Variants in LRP1 observed in about 807,000 individuals in gnomAD.
LRP1 encodes the protein prolow-density lipoprotein receptor-related protein 1.
LRP1 carries 51 observed loss-of-function variants against 541.5 expected under a neutral mutation model. That is an observed-to-expected ratio of 0.09 (90% CI 0.08 to 0.12). LRP1 has a LOEUF of 0.12. Among genes scored for constraint, LRP1 ranks in the 10% least tolerant of loss-of-function variants. LRP1 has a pLI of 1.00. For synonymous variants in LRP1, 2,219 were observed against 2,470.8 expected (o/e 0.90, Z 3.02); for missense variants, 3,878 against 6,376.2 (o/e 0.61, Z 13.34).
At position 57,194,540 on chromosome 12, in the gene LRP1, C is replaced by T. The variant is rs139262076; in HGVS notation, c.8068+37C>T. On this transcript the variant is annotated intron_variant, in intron 49 of 88. Transcript: ENST00000243077. ...CAGGTGTGTGGTGGGTGGTGGCCTG[C>T]GGTGAGCAGGGCCCTCACACCTGCC... is the stretch of plus-strand genomic sequence containing the variant. 1,285 of 1,612,044 alleles carry T rather than the reference C, an allele frequency of 8.0e-4. 7 individuals carry two copies. The African/African-American group carries it at 0.014, about 17-fold the overall frequency.
At position 57,210,862 on chromosome 12, in the gene LRP1, G is replaced by A. The variant is rs1389863854; in HGVS notation, c.12899G>A (p.Gly4300Asp). The A allele has an allele frequency of 1.2e-6, 2 of 1,612,240 alleles. No homozygotes were observed. The highest frequency in any genetic ancestry group is 3.3e-5 in the Admixed American group (2 of 59,974). Residue 4300 changes from glycine to aspartate, a missense_variant, in exon 83 of 89, where the codon GGC becomes GAC. Gly to Asp is a moderately conservative substitution (Grantham distance 94, BLOSUM62 -1). Coordinates refer to ENST00000243077, the MANE Select transcript of LRP1 (RefSeq NM_002332.3). ...PQCRCLPGFL[G>D]DRCQYRQCSG... ...TGCCGATGCCTACCCGGCTTCCTGG[G>A]CGACCGCTGCCAGTACCGTGAGTGA...
rs752144944 is a variant in LRP1, at chr12:57,200,668, C to T, written c.10109-31C>T. On this transcript the variant is annotated intron_variant, in intron 63 of 88. Transcript: ENST00000243077. ...TGGACCTGGCCGTGTCCACCCCAGC[C>T]GCTCTGACTCTGAGCCTCCCTCTCT... 99 of 1,594,474 alleles carry T rather than the reference C, an allele frequency of 6.2e-5. 1 individual carries two copies. The highest frequency in any genetic ancestry group is 5.0e-4 in the Middle Eastern group (3 of 6,028).
At position 57,208,234 on chromosome 12, in the gene LRP1, G is replaced by A. The variant is rs748585169; in HGVS notation, c.12038+18G>A. 1.4e-5 allele frequency: 22 copies of A among 1,609,614 alleles called. No homozygotes were observed. In the South Asian group the frequency reaches 2.4e-4, roughly 18 times the overall value. On this transcript the variant is annotated intron_variant, in intron 77 of 88. Transcript: ENST00000243077. ...CTGAGGGGGTGGGCAAGGGCCCTGG[G>A]GGGAGGCCTCTGGGCTGGTGGTAGG...
In LRP1 at chr12:57,173,190, C is replaced by T; in HGVS notation, c.3186C>T (p.Cys1062=). The change falls in exon 21 of 89, where the codon TGC becomes TGT. Residue 1062 remains cysteine, a synonymous_variant. Coordinates refer to ENST00000243077, the MANE Select transcript of LRP1 (RefSeq NM_002332.3). The surrounding 1 kb of genome is among the most constrained non-coding windows in gnomAD (Gnocchi z 4.7). Reference sequence around the variant, plus strand: ...CAGCCACGAGGCCCCCTGGTGGCTGCCACACTGATGAGTTCCAGTGCCGGC... The same window carrying T: ...CAGCCACGAGGCCCCCTGGTGGCTGTCACACTGATGAGTTCCAGTGCCGGC... ...TNQATRPPGG[C]HTDEFQCRLD... 1.2e-6 allele frequency: 2 copies of T among 1,611,420 alleles called. No individual in the cohort carries two copies. The highest frequency in any genetic ancestry group is 1.7e-6 in the Non-Finnish European group (2 of 1,178,412).
rs1428642530 is a variant in LRP1 at position 57,175,555 on chromosome 12, G to A, written c.3643G>A (p.Gly1215Arg). 13 of 1,614,188 alleles carry A rather than the reference G, an allele frequency of 8.1e-6. No homozygotes were observed. Among genetic ancestry groups the A allele is most frequent in the South Asian group, 1.1e-5 (1 of 91,090 alleles). Residue 1215 changes from glycine (G) to arginine (R), a missense_variant, in exon 23 of 89, where the codon GGG becomes AGG. By Grantham distance (125) the Gly-to-Arg change is moderately radical (BLOSUM62 -2). Transcript: ENST00000243077. ...VCSCPLGMEL[G>R]PDNHTCQIQS... ...TTCCTGCCCTCTGGGCATGGAGCTG[G>A]GGCCCGACAACCACACCTGCCAGAT...
intron 82 of LRP1, 23 bp from the exon 83 acceptor site, chr12:57,210,695 G>T (rs34268477): frequency 4.6e-5 from 74 of 1,597,000 alleles, no homozygotes; most frequent in Non-Finnish European, 6.3e-5. Context: ...CCACAGTCGC[G>T]CTCACACATC....
At chr12:57,140,680 C>T (rs1189843798) in intron 2 of LRP1, among the ~76,000 whole-genome samples, 1 of 152,172 alleles carries the variant, frequency 6.6e-6, no homozygotes, top group Non-Finnish European at 1.5e-5. Context: ...TTTTCTTTAT[C>T]ATTGGAGTTT....
Position 57,162,757 on chromosome 12 carries a change from C to G in LRP1, c.2405-101C>G. 7.4e-7 allele frequency: 1 copy of G among 1,344,860 alleles called. No homozygotes were observed. Among genetic ancestry groups the G allele is most frequent in the Non-Finnish European group, 1.0e-6 (1 of 984,642 alleles). The allele number at this position is 1,344,860 out of a possible 1,614,324, so 83.3% of individuals were successfully genotyped here. A position where few individuals can be genotyped will look rare whatever the true frequency, so the allele number is the denominator to read the frequency against. ...GATCTTCTTCCTCTCCATATTTCCT[C>G]TTTCTGTCCCCACATCTTAATGTGT... On this transcript the variant is annotated intron_variant, in intron 14 of 88. Coordinates refer to ENST00000243077, the MANE Select transcript of LRP1 (RefSeq NM_002332.3). This position sits in a 1 kb window ranked among gnomAD's most constrained non-coding sequence, Gnocchi z 5.2.
Position 57,128,614 on chromosome 12 carries a change from CT to C in LRP1, c.-350del, listed in dbSNP as rs2034964714. 3 of 413,856 alleles carry C rather than the reference CT, an allele frequency of 7.2e-6. No individual in the cohort carries two copies. Among genetic ancestry groups the C allele is most frequent in the Non-Finnish European group, 1.3e-5 (3 of 233,722 alleles). The allele number at this position is 413,856 out of a possible 1,614,324, so 25.6% of individuals were successfully genotyped here. Reference sequence around the variant, plus strand: ...ACCCGGTCCACGCCCCCCACCCCCCCTCCCCGCCTCCTCCCAATTGTGCATT... The same window carrying C: ...ACCCGGTCCACGCCCCCCACCCCCCCCCCCGCCTCCTCCCAATTGTGCATT... On this transcript the variant is annotated 5_prime_UTR_variant, in exon 1 of 89. Coordinates refer to ENST00000243077, the MANE Select transcript of LRP1 (RefSeq NM_002332.3).
intron 68 of LRP1, 123 bp from the exon 69 acceptor site, chr12:57,203,057 TG>T: frequency 1.4e-6 from 1 of 724,140 alleles, no homozygotes; most frequent in Non-Finnish European, 2.2e-6. Flanking sequence ...GCTCGGCCTC[TG>T]GGTCAGTCAG....
intron 44 of LRP1, among the ~76,000 whole-genome samples, chr12:57,192,076 C>T (rs2036423145): frequency 1.4e-5 from 2 of 143,404 alleles, no homozygotes; most frequent in African/African-American, 5.2e-5. Context: ...ACACACCACA[C>T]ACCACACGTA....
chr12:57,201,712 C>T lies in LRP1; in HGVS notation c.10469-68C>T. The T allele has an allele frequency of 6.3e-7, 1 of 1,597,590 alleles. No homozygotes were observed. The highest frequency in any genetic ancestry group is 1.1e-5 in the South Asian group (1 of 89,612). ...GACCCCCTCAGTGGCTGCTCCCTCA[C>T]TCTCCCCACCCTCCCGGCACACTCC... On this transcript the variant is annotated intron_variant, in intron 66 of 88. Transcript: ENST00000243077. This position sits in a 1 kb window ranked among gnomAD's most constrained non-coding sequence, Gnocchi z 6.4.
chr12:57,174,503 G>A (rs535472346), intron 22 of LRP1, among the ~76,000 whole-genome samples: 4 of 152,306 alleles, frequency 2.6e-5, no homozygotes, highest in Admixed American at 2.0e-4. Flanking sequence ...GGGCAGGCGC[G>A]GTGGCTCACA....
intron 12 of LRP1, among the ~76,000 whole-genome samples, chr12:57,160,232 C>T (rs1029513940): frequency 1.3e-5 from 2 of 152,146 alleles, no homozygotes; most frequent in African/African-American, 4.8e-5. Context: ...GGGCCTTCCA[C>T]CAGCTCCCCT....
intron 70 of LRP1, 62 bp downstream of exon 70, chr12:57,203,583 C>T: frequency 7.0e-7 from 1 of 1,434,738 alleles, no homozygotes; most frequent in Non-Finnish European, 9.2e-7. Context: ...CCACATGGCC[C>T]AGTCATTCAC....
At chr12:57,159,109 C>T (rs546520228) in intron 11 of LRP1, among the ~76,000 whole-genome samples, 2 of 152,350 alleles carry the variant, frequency 1.3e-5, no homozygotes, top group South Asian at 2.1e-4. Flanking sequence ...TCCCTCTGAG[C>T]TGCTTGGGCA....
Position 57,191,428 on chromosome 12 carries a change from G to A in LRP1, c.7345G>A (p.Val2449Met), listed in dbSNP as rs12369946. The A allele has an allele frequency of 8.7e-6, 14 of 1,613,176 alleles. No homozygotes were observed. The highest frequency in any genetic ancestry group is 4.4e-5 in the South Asian group (4 of 91,082). ...RRAVQRANKHVGSNMKLLRVD... is the reference protein window; with the variant it reads ...RRAVQRANKHMGSNMKLLRVD... The stretch of plus-strand genomic sequence containing the variant: ...GGCAGTGCAGCGGGCCAACAAGCAC[G>A]TGGGCAGCAACATGAAGCTGCTGCG... The change falls in exon 44 of 89, where the codon GTG becomes ATG. Residue 2449 changes from valine (V) to methionine (M), a missense_variant. Physicochemically the swap from Val to Met is conservative, Grantham distance 21 (BLOSUM62 1). This residue lies in a region of LRP1 where 1,100 missense variants were observed against 1,827.4 expected (regional missense o/e 0.60). Transcript: ENST00000243077.
In LRP1 at chr12:57,206,422, G is replaced by A. The variant is rs1165807896; in HGVS notation, c.11591-51G>A. 1.3e-6 allele frequency: 2 copies of A among 1,584,836 alleles called. No individual in the cohort carries two copies. Among genetic ancestry groups the A allele is most frequent in the Non-Finnish European group, 1.7e-6 (2 of 1,158,984 alleles). ...CATGTGAAAGGAGCTGAGCTGGGTG[G>A]GGTGCACACCTGCATCCCACAGCCC... is the stretch of plus-strand genomic sequence containing the variant. On this transcript the variant is annotated intron_variant, in intron 75 of 88. Coordinates refer to ENST00000243077, the MANE Select transcript of LRP1 (RefSeq NM_002332.3). The surrounding 1 kb of genome is among the most constrained non-coding windows in gnomAD (Gnocchi z 4.7).
chr12:57,148,182 T>G (rs1036084051), intron 6 of LRP1, among the ~76,000 whole-genome samples: 2 of 151,516 alleles, frequency 1.3e-5, no homozygotes, highest in African/African-American at 4.9e-5. Context: ...TTAACTGTTA[T>G]AGTTACGTTT....
Sources: gnomAD v4.1 joint callset for allele counts (sites outside exome capture counted in the v4.1 genomes callset) on GRCh38, gnomAD v4.1.1 for gene constraint, gnomAD v4.1.1 regional missense constraint, Gnocchi (gnomAD v3.1) non-coding constraint, MANE v1.5 for transcripts, NCBI Gene and HGNC (gene_info 2026-07-23, HGNC 2026-07-21) for gene names.